The following REL variants were observed in gnomAD, a reference collection of about 807,000 sequenced individuals.
REL encodes the protein REL proto-oncogene, NF-kB subunit, also known as proto-oncogene c-Rel.
Under a neutral mutation model 45.9 loss-of-function variants are expected in REL, and 15 were observed. The ratio of observed to expected loss-of-function variants is 0.33; its 90% confidence interval spans 0.22 to 0.50. The LOEUF (loss-of-function observed/expected upper bound fraction) is 0.50, where lower values mean the gene tolerates loss of function less well. Ranked by LOEUF, REL falls within the 20% of genes least tolerant of loss-of-function variation. The pLI, the probability that REL is intolerant of heterozygous loss-of-function variation, is 0.98. For missense variants in REL, 601 were observed against 715.2 expected (o/e 0.84, Z 1.82); for synonymous variants, 239 against 242.1 (o/e 0.99, Z 0.12).
chr2:60,929,084 TG>T lies in REL; in HGVS notation c.*6551del, dbSNP rs1193348130. 7.0e-6 allele frequency: 1 copy of T among 142,624 alleles called. No homozygotes were observed. Among genetic ancestry groups the T allele is most frequent in the Non-Finnish European group, 1.6e-5 (1 of 63,630 alleles). The allele number at this position is 142,624 out of a possible 1,614,324, so 8.8% of individuals were successfully genotyped here. On this transcript the variant is annotated 3_prime_UTR_variant, in exon 10 of 10. Coordinates refer to ENST00000394479, the MANE Select transcript of REL (RefSeq NM_001291746.2). ...CACATGAAAAAATGCTCATCATGAC[TG>T]GCCATCAGAGAAATGCAAATCAAAA...
rs139901628 is a variant in REL, at chr2:60,927,843, T to C, written c.*5308T>C. On this transcript the variant is annotated 3_prime_UTR_variant, in exon 10 of 10. Coordinates refer to ENST00000394479, the MANE Select transcript of REL (RefSeq NM_001291746.2). ...ATGTTTAGGACATTTCCAGCACCCC[T>C]GAAATTTCCTTCATGCCCCTTCCCA... is the stretch of plus-strand genomic sequence containing the variant. 546 of 226,986 alleles carry C rather than the reference T, an allele frequency of 2.4e-3. 8 individuals carry two copies. Among genetic ancestry groups the C allele is most frequent in the African/African-American group, 0.011 (515 of 45,090 alleles). 14.1% of individuals were successfully genotyped at this position (226,986 alleles called of 1,614,324 possible). A position where few individuals can be genotyped will look rare whatever the true frequency, so the allele number is the denominator to read the frequency against.
chr2:60,882,257 A>G (rs1471101147), intron 1 of REL, among the ~76,000 whole-genome samples: 1 of 152,184 alleles, frequency 6.6e-6, no homozygotes, highest in Non-Finnish European at 1.5e-5. Flanking sequence ...AATTTCATCA[A>G]ATGCAAAGAG....
At chr2:60,908,120 A>T (rs559907900) in intron 4 of REL, among the ~76,000 whole-genome samples, 1 of 152,146 alleles carries the variant, frequency 6.6e-6, no homozygotes, top group African/African-American at 2.4e-5. Flanking sequence ...GCAATTAATC[A>T]TTGAAAGTTT....
rs541655005 is a variant in REL, at chr2:60,892,815, C to T, written c.153+990C>T. On this transcript the variant is annotated intron_variant, in intron 2 of 9. Coordinates refer to ENST00000394479, the MANE Select transcript of REL (RefSeq NM_001291746.2). ...TGTTGCCCAGGCTGGAGGGCAGTGG[C>T]GTGATCTCAGCTCACTGCAAGCTCC... 3.0e-4 allele frequency among the ~76,000 whole-genome samples: 45 copies of T among 152,030 alleles called. 1 individual carries two copies. In the East Asian group the frequency reaches 7.9e-3, roughly 27 times the overall value.
rs1477048388 is a variant in REL at position 60,931,496 on chromosome 2, A to G, written c.*8961A>G. 1 of 152,348 alleles carries G rather than the reference A, an allele frequency of 6.6e-6. No homozygotes were observed. The highest frequency in any genetic ancestry group is 6.5e-5 in the Admixed American group (1 of 15,268). 9.4% of individuals were successfully genotyped at this position (152,348 alleles called of 1,614,324 possible). ...TTAATGTTAAGTTTAGTATCAAGAT[A>G]CAGTTGTTTTTAAAATGCCAAAATG... On this transcript the variant is annotated 3_prime_UTR_variant, in exon 10 of 10. Transcript: ENST00000394479.
rs1422011949 is a variant in REL, at chr2:60,926,283, A to C, written c.*3748A>C. ...TTTCCTACCACTTGGATGCATTTGC[A>C]TCCTGACTTCTGAAATGCCTCCAGC... On this transcript the variant is annotated 3_prime_UTR_variant, in exon 10 of 10. Transcript: ENST00000394479. The C allele has an allele frequency of 8.6e-6, 2 of 231,740 alleles. No individual in the cohort carries two copies. Among genetic ancestry groups the C allele is most frequent in the Non-Finnish European group, 1.7e-5 (2 of 117,028 alleles). The allele number at this position is 231,740 out of a possible 1,614,324, so 14.4% of individuals were successfully genotyped here. A position where few individuals can be genotyped will look rare whatever the true frequency, so the allele number is the denominator to read the frequency against.
intron 4 of REL, among the ~76,000 whole-genome samples, chr2:60,914,396 C>T (rs1318116156): frequency 6.6e-6 from 1 of 152,194 alleles, no homozygotes; most frequent in Non-Finnish European, 1.5e-5. Context: ...AGCAAAATCT[C>T]ATAAACAGTG....
At position 60,901,930 on chromosome 2, in the gene REL, C is replaced by G. The variant is rs199951061; in HGVS notation, c.394+847C>G. On this transcript the variant is annotated intron_variant, in intron 4 of 9. Coordinates refer to ENST00000394479, the MANE Select transcript of REL (RefSeq NM_001291746.2). ...TAAGTATTTATACTTATGGTACTAT[C>G]TGCCTCATGCTGTAAGTATAAATGC... 1.6e-4 allele frequency among the ~76,000 whole-genome samples: 24 copies of G among 152,228 alleles called. No homozygotes were observed. The East Asian group carries it at 3.5e-3, about 22-fold the overall frequency.
rs1674225338 is a variant in REL at position 60,924,553 on chromosome 2, G to GA, written c.*2022dup. On this transcript the variant is annotated 3_prime_UTR_variant, in exon 10 of 10. Coordinates refer to ENST00000394479, the MANE Select transcript of REL (RefSeq NM_001291746.2). ...AATGGTCATCCAAATTGTTTGAAAG[G>GA]AAAATAATCCCAGTGGCAAAATGAT... The GA allele has an allele frequency of 4.6e-6, 1 of 215,140 alleles. No individual in the cohort carries two copies. Among genetic ancestry groups the GA allele is most frequent in the African/African-American group, 2.3e-5 (1 of 44,334 alleles). The allele number at this position is 215,140 out of a possible 1,614,324, so 13.3% of individuals were successfully genotyped here.
rs1248891763 is a variant in REL at position 60,881,602 on chromosome 2, C to T, written c.-239C>T. On this transcript the variant is annotated 5_prime_UTR_variant, in exon 1 of 10. Coordinates refer to ENST00000394479, the MANE Select transcript of REL (RefSeq NM_001291746.2). ...CGGCTCTCCCCGCTCCGCCCCCTGC[C>T]CCTGGCTCCCGTACGGTGGACGGCG... 5 of 503,828 alleles carry T rather than the reference C, an allele frequency of 9.9e-6. No individual in the cohort carries two copies. The East Asian group carries it at 1.8e-4, about 18-fold the overall frequency. The allele number at this position is 503,828 out of a possible 1,614,324, so 31.2% of individuals were successfully genotyped here.
intron 4 of REL, among the ~76,000 whole-genome samples, chr2:60,908,884 C>T (rs953290954): frequency 6.6e-6 from 1 of 152,122 alleles, no homozygotes; most frequent in Non-Finnish European, 1.5e-5. Context: ...AAAGGGAATA[C>T]AGTTTAATAA....
In REL at chr2:60,926,185, C is replaced by T. The variant is rs1674263880; in HGVS notation, c.*3650C>T. The T allele has an allele frequency of 4.3e-6, 1 of 231,128 alleles. No homozygotes were observed. The highest frequency in any genetic ancestry group is 6.1e-5 in the East Asian group (1 of 16,426). 14.3% of individuals were successfully genotyped at this position (231,128 alleles called of 1,614,324 possible). ...TGTTTACTTTATCCTTACATCACCA[C>T]TTAGTGATTCCTTTCTTTGTATAAA... is the stretch of plus-strand genomic sequence containing the variant. On this transcript the variant is annotated 3_prime_UTR_variant, in exon 10 of 10. Coordinates refer to ENST00000394479, the MANE Select transcript of REL (RefSeq NM_001291746.2).
Position 60,922,102 on chromosome 2 carries a change from C to G in REL, c.1331C>G (p.Ser444Cys). 1 of 1,614,138 alleles carries G rather than the reference C, an allele frequency of 6.2e-7. No individual in the cohort carries two copies. Among genetic ancestry groups the G allele is most frequent in the Non-Finnish European group, 8.5e-7 (1 of 1,179,994 alleles). ...ADDIVGMEAS[S>C]MPSADLYGIS... is the part of the protein sequence containing the mutation. Reference sequence around the variant, plus strand: ...GACATAGTCGGAATGGAAGCGTCATCCATGCCATCAGCAGATTTATATGGT... The same window carrying G: ...GACATAGTCGGAATGGAAGCGTCATGCATGCCATCAGCAGATTTATATGGT... The change falls in exon 10 of 10, where the codon TCC becomes TGC. Residue 444 changes from serine to cysteine, a missense_variant. Coordinates refer to ENST00000394479, the MANE Select transcript of REL (RefSeq NM_001291746.2).
At chr2:60,885,614 G>A (rs1025897855) in intron 1 of REL, among the ~76,000 whole-genome samples, 3 of 152,164 alleles carry the variant, frequency 2.0e-5, no homozygotes, top group African/African-American at 7.2e-5. Context: ...TGATATATTG[G>A]CATAGCCTTT....
chr2:60,921,690 C>T (rs1173112132), intron 9 of REL, 73 bp from the exon 10 acceptor site: 1 of 1,306,348 alleles, frequency 7.7e-7, no homozygotes, highest in Non-Finnish European at 1.1e-6. Context: ...TGTGCTTATG[C>T]AATTTTAATT....
Position 60,923,970 on chromosome 2 carries a change from A to G in REL, c.*1435A>G, listed in dbSNP as rs1674209035. Reference sequence around the variant, plus strand: ...AGGCCTAGACTCCCTGTCCTACCTCAGGTACCACCATATCCCACCTCCTCA... The same window carrying G: ...AGGCCTAGACTCCCTGTCCTACCTCGGGTACCACCATATCCCACCTCCTCA... On this transcript the variant is annotated 3_prime_UTR_variant, in exon 10 of 10. Transcript: ENST00000394479. 4.3e-6 allele frequency: 1 copy of G among 233,130 alleles called. No homozygotes were observed. Among genetic ancestry groups the G allele is most frequent in the African/African-American group, 2.2e-5 (1 of 45,438 alleles). 14.4% of individuals were successfully genotyped at this position (233,130 alleles called of 1,614,324 possible). A position where few individuals can be genotyped will look rare whatever the true frequency, so the allele number is the denominator to read the frequency against.
At position 60,929,697 on chromosome 2, in the gene REL, A is replaced by T. The variant is rs1674345718; in HGVS notation, c.*7162A>T. 1 of 147,122 alleles carries T rather than the reference A, an allele frequency of 6.8e-6. No homozygotes were observed. The highest frequency in any genetic ancestry group is 1.5e-5 in the Non-Finnish European group (1 of 66,436). 9.1% of individuals were successfully genotyped at this position (147,122 alleles called of 1,614,324 possible). On this transcript the variant is annotated 3_prime_UTR_variant, in exon 10 of 10. Transcript: ENST00000394479. ...GGTGGGGGGAGGGGGGAGGGATAGC[A>T]TTGGGAGATATACCTAATGCTAGAT...
rs1221239731 is a variant in REL at position 60,928,075 on chromosome 2, T to C, written c.*5540T>C. Reference sequence around the variant, plus strand: ...GATCACGCCTGTAATCCCAGCACTTTGGGAGGCCGAGGTAGGGGGATTGCT... The same window carrying C: ...GATCACGCCTGTAATCCCAGCACTTCGGGAGGCCGAGGTAGGGGGATTGCT... On this transcript the variant is annotated 3_prime_UTR_variant, in exon 10 of 10. Coordinates refer to ENST00000394479, the MANE Select transcript of REL (RefSeq NM_001291746.2). 1.1e-5 allele frequency: 2 copies of C among 187,998 alleles called. No individual in the cohort carries two copies. The highest frequency in any genetic ancestry group is 8.2e-5 in the East Asian group (1 of 12,134). 11.6% of individuals were successfully genotyped at this position (187,998 alleles called of 1,614,324 possible).
At chr2:60,899,128 G>C (rs1161742399) in intron 3 of REL, 1 of 152,202 alleles carries the variant, frequency 6.6e-6, no homozygotes, top group Non-Finnish European at 1.5e-5. Context: ...ATCTTTCAAA[G>C]AAGTGGAAAT....
Sources: gnomAD v4.1 joint callset for allele counts (sites outside exome capture counted in the v4.1 genomes callset) on GRCh38, gnomAD v4.1.1 for gene constraint, MANE v1.5 for transcripts, NCBI Gene and HGNC (gene_info 2026-07-23, HGNC 2026-07-21) for gene names.